The following KCNB2 variants were observed in gnomAD, a reference collection of about 807,000 sequenced individuals.
KCNB2 encodes potassium voltage-gated channel subfamily B member 2.
Under a neutral mutation model 61.5 loss-of-function variants are expected in KCNB2, and 15 were observed. That is an observed-to-expected ratio of 0.24 (90% CI 0.16 to 0.38). The LOEUF is 0.38. Among genes scored for constraint, KCNB2 ranks in the 10% least tolerant of loss-of-function variants. KCNB2 has a pLI of 1.00. For synonymous variants in KCNB2, 457 were observed against 446.0 expected (o/e 1.02, Z -0.31); for missense variants, 828 against 1,125.2 (o/e 0.74, Z 3.78).
intron 1 of KCNB2, among the ~76,000 whole-genome samples, chr8:72,557,145 C>T (rs1051675285): frequency 6.6e-6 from 1 of 152,106 alleles, no homozygotes; most frequent in Non-Finnish European, 1.5e-5. Flanking sequence ...GGGATGCAAG[C>T]ATTCAGACCA....
intron 2 of KCNB2, chr8:72,660,664 T>G (rs1806364141): frequency 6.6e-6 from 1 of 152,250 alleles, no homozygotes; most frequent in Non-Finnish European, 1.5e-5. Context: ...TCATGGGAAA[T>G]AGCTGGCTTT....
At chr8:72,846,181 T>C (rs1483151469) in intron 2 of KCNB2, among the ~76,000 whole-genome samples, 1 of 152,140 alleles carries the variant, frequency 6.6e-6, no homozygotes, top group Non-Finnish European at 1.5e-5. Context: ...CCCTCACAGC[T>C]TCCCTTGGCT....
At chr8:72,646,280 A>G (rs1806127523) in intron 2 of KCNB2, among the ~76,000 whole-genome samples, 1 of 152,100 alleles carries the variant, frequency 6.6e-6, no homozygotes, top group South Asian at 2.1e-4. Flanking sequence ...ATTTTTACTT[A>G]CTGATATTTA....
chr8:72,732,429 G>C (rs1807762076), intron 2 of KCNB2, among the ~76,000 whole-genome samples: 1 of 152,224 alleles, frequency 6.6e-6, no homozygotes, highest in Non-Finnish European at 1.5e-5. Context: ...CAGCCCACAG[G>C]CTTCTAGGAA....
At chr8:72,777,752 G>T (rs4490887) in intron 2 of KCNB2, among the ~76,000 whole-genome samples, 6,722 of 152,204 alleles carry the variant, frequency 0.044, 374 homozygotes, top group African/African-American at 0.13. Context: ...TGGAGAGAAA[G>T]AGGAAGTAGT....
At chr8:72,896,247 T>C (rs764503363) in intron 2 of KCNB2, among the ~76,000 whole-genome samples, 1 of 152,162 alleles carries the variant, frequency 6.6e-6, no homozygotes, top group Non-Finnish European at 1.5e-5. Context: ...TTATCTGTTA[T>C]ATAAGTTAGA....
chr8:72,857,606 T>C (rs777383994), intron 2 of KCNB2, among the ~76,000 whole-genome samples: 3 of 150,806 alleles, frequency 2.0e-5, no homozygotes, highest in Non-Finnish European at 4.4e-5. Flanking sequence ...TGCCTGGAGA[T>C]GGAGGTTGGT....
chr8:72,669,917 A>G (rs1806535624), intron 2 of KCNB2, among the ~76,000 whole-genome samples: 1 of 152,208 alleles, frequency 6.6e-6, no homozygotes, highest in African/African-American at 2.4e-5. Context: ...CATATGAACA[A>G]CATGAATGTG....
At chr8:72,716,526 G>A (rs376051719) in intron 2 of KCNB2, among the ~76,000 whole-genome samples, 6 of 152,132 alleles carry the variant, frequency 3.9e-5, no homozygotes, top group East Asian at 3.9e-4. Context: ...ATCAATAAAC[G>A]TAATCCAGCC....
intron 2 of KCNB2, among the ~76,000 whole-genome samples, chr8:72,759,649 A>G (rs1049890961): frequency 6.6e-6 from 1 of 152,192 alleles, no homozygotes; most frequent in African/African-American, 2.4e-5. Context: ...AATAGAAATC[A>G]CCATTCCTGT....
chr8:72,717,317 A>T (rs1807461835), intron 2 of KCNB2, among the ~76,000 whole-genome samples: 1 of 152,192 alleles, frequency 6.6e-6, no homozygotes, highest in African/African-American at 2.4e-5. Flanking sequence ...AACTACTTTA[A>T]AGTTCATACG....
intron 2 of KCNB2, among the ~76,000 whole-genome samples, chr8:72,616,224 T>C (rs1805616988): frequency 6.6e-6 from 1 of 152,212 alleles, no homozygotes; most frequent in South Asian, 2.1e-4. Flanking sequence ...TTCTTGCCCA[T>C]TCAAGCTTCC....
intron 2 of KCNB2, among the ~76,000 whole-genome samples, chr8:72,591,598 T>A (rs1324078233): frequency 6.6e-6 from 1 of 152,162 alleles, no homozygotes; most frequent in Non-Finnish European, 1.5e-5. Context: ...TATTTCTGGA[T>A]CCATTCCTTA....
intron 2 of KCNB2, among the ~76,000 whole-genome samples, chr8:72,692,845 G>T (rs1563561305): frequency 1.4e-5 from 2 of 148,038 alleles, no homozygotes; most frequent in East Asian, 2.0e-4. Context: ...AATATATTAT[G>T]TATTTTCTAA....
intron 2 of KCNB2, among the ~76,000 whole-genome samples, chr8:72,636,212 C>T (rs1805963472): frequency 6.6e-6 from 1 of 152,070 alleles, no homozygotes; most frequent in Admixed American, 6.6e-5. Context: ...GACTGTAATA[C>T]CTATCTCCCA....
At chr8:72,717,565 G>T (rs1563569393) in intron 2 of KCNB2, among the ~76,000 whole-genome samples, 1 of 152,128 alleles carries the variant, frequency 6.6e-6, no homozygotes, top group Non-Finnish European at 1.5e-5. Flanking sequence ...AATGGGGAAA[G>T]GATTCCCTAT....
At chr8:72,756,954 G>C (rs1048852698) in intron 2 of KCNB2, among the ~76,000 whole-genome samples, 2 of 152,174 alleles carry the variant, frequency 1.3e-5, no homozygotes, top group African/African-American at 4.8e-5. Flanking sequence ...CATAATTCTG[G>C]AGCTATCCAG....
chr8:72,539,051 ATCT>A, intron 1 of KCNB2, among the ~76,000 whole-genome samples: 1 of 148,014 alleles, frequency 6.8e-6, no homozygotes, highest in Admixed American at 7.0e-5. Flanking sequence ...GTTTTGTTTT[ATCT>A]ATTTCACTCT....
At chr8:72,583,494 A>C (rs1192971617) in intron 2 of KCNB2, among the ~76,000 whole-genome samples, 1 of 152,028 alleles carries the variant, frequency 6.6e-6, no homozygotes, top group Non-Finnish European at 1.5e-5. Context: ...AACCTGTCAC[A>C]TTATTTTCAG....
Sources: allele counts gnomAD v4.1 joint callset (sites outside exome capture counted in the v4.1 genomes callset), GRCh38; gene constraint gnomAD v4.1.1; transcripts MANE v1.5; gene names NCBI Gene and HGNC (gene_info 2026-07-23, HGNC 2026-07-21).